TPGS2: variants seen among roughly 807,000 people sequenced by gnomAD.
TPGS2 encodes polyglutamylase subunit 2.
TPGS2 carries 26 observed loss-of-function variants against 31.1 expected under a neutral mutation model. The observed-to-expected ratio is 0.84, with a 90% CI of 0.61 to 1.16. The LOEUF is 1.16. TPGS2 is among the 50% of genes most tolerant of loss of function. The probability of loss-of-function intolerance (pLI) is 0.00; values close to 1 mark genes in which losing one functional copy is unlikely to be tolerated. For missense variants in TPGS2, 351 were observed against 363.8 expected (o/e 0.96, Z 0.29); for synonymous variants, 130 against 136.6 (o/e 0.95, Z 0.34).
Position 36,828,690 on chromosome 18 carries a change from G to A in TPGS2, c.78C>T (p.Arg26=), listed in dbSNP as rs901705620. The A allele has an allele frequency of 5.0e-6, 8 of 1,614,100 alleles. No individual in the cohort carries two copies. Among genetic ancestry groups the A allele is most frequent in the Non-Finnish European group, 5.9e-6 (7 of 1,180,002 alleles). ...HLEKLTLGIT[R]ILESSPGVTE... ...CGTGCCCCCTTTCCTCACCTAGGAT[G>A]CGCGTGATGCCCAGGGTCAGCTTCT... is the stretch of plus-strand genomic sequence containing the variant. The change falls in exon 1 of 7, where the codon CGC becomes CGT. Residue 26 remains arginine (R), a synonymous_variant. Transcript: ENST00000334295.
At chr18:36,810,523 A>G (rs2045375049) in intron 2 of TPGS2, among the ~76,000 whole-genome samples, 1 of 151,898 alleles carries the variant, frequency 6.6e-6, no homozygotes, top group Admixed American at 6.6e-5. Context: ...GAGGGCAGGG[A>G]GGAGGAAGAT....
chr18:36,798,112 C>T, intron 6 of TPGS2: 2 of 1,094,404 alleles, frequency 1.8e-6, no homozygotes, highest in Non-Finnish European at 2.2e-6. Flanking sequence ...ACTTGGAGAA[C>T]AGGGGAGTGA....
intron 6 of TPGS2, chr18:36,786,773 G>A (rs1205894785): frequency 1.6e-6 from 2 of 1,228,958 alleles, no homozygotes; most frequent in Non-Finnish European, 2.0e-6. Context: ...GAGTCCCCTT[G>A]GCCAGCAGAG....
intron 6 of TPGS2, among the ~76,000 whole-genome samples, chr18:36,788,457 G>T (rs1277811552): frequency 6.6e-6 from 1 of 152,140 alleles, no homozygotes; most frequent in Non-Finnish European, 1.5e-5. Context: ...AAAGTATAAA[G>T]CTGGGCGCTG....
At chr18:36,826,640 C>A (rs934483633) in intron 1 of TPGS2, among the ~76,000 whole-genome samples, 1 of 152,164 alleles carries the variant, frequency 6.6e-6, no homozygotes, top group Admixed American at 6.5e-5. Context: ...AGGCCCGAGA[C>A]AATAATCCTC....
Position 36,807,890 on chromosome 18 carries a change from C to G in TPGS2, c.210G>C (p.Leu70=), listed in dbSNP as rs564933143. 100 of 1,614,132 alleles carry G rather than the reference C, an allele frequency of 6.2e-5. 1 individual carries two copies. The South Asian group carries it at 1.1e-3, about 17-fold the overall frequency. ...ATGTCATGTGGAAGCCATTGGTCAT[C>G]AGGTAAAAGTTCTTCACATCTTCAG... is the stretch of plus-strand genomic sequence containing the variant. ...VMPEDVKNFY[L]MTNGFHMTWS... is the part of the protein sequence containing the mutation. The change falls in exon 3 of 7, where the codon CTG becomes CTC. Residue 70 remains leucine, a synonymous_variant. Coordinates refer to ENST00000334295, the MANE Select transcript of TPGS2 (RefSeq NM_015476.4).
At chr18:36,827,315 CA>C (rs1233414599) in intron 1 of TPGS2, among the ~76,000 whole-genome samples, 1 of 152,070 alleles carries the variant, frequency 6.6e-6, no homozygotes, top group African/African-American at 2.4e-5. Context: ...AAAGAAAAAG[CA>C]GGGTAAGGAA....
chr18:36,782,995 A>C, exon 7 of TPGS2: 1 of 398,254 alleles, frequency 2.5e-6, no homozygotes, highest in Non-Finnish European at 4.4e-6. Flanking sequence ...AGCCCTGTCC[A>C]CAAATGTCAA....
At chr18:36,828,599 C>A in intron 1 of TPGS2, 84 bp downstream of exon 1, 1 of 1,460,716 alleles carries the variant, frequency 6.8e-7, no homozygotes, top group Non-Finnish European at 9.5e-7. Flanking sequence ...GGGCCAGCGT[C>A]GCACCGCTCA....
intron 6 of TPGS2, among the ~76,000 whole-genome samples, chr18:36,785,671 C>T (rs752604520): frequency 1.2e-4 from 18 of 152,182 alleles, no homozygotes; most frequent in Non-Finnish European, 2.5e-4. Context: ...ACTTCAAACA[C>T]AGTTCAGTTG....
At position 36,794,608 on chromosome 18, in the gene TPGS2, C is replaced by G; in HGVS notation, c.*2197G>C. 2.0e-6 allele frequency: 2 copies of G among 985,392 alleles called. No individual in the cohort carries two copies. Among genetic ancestry groups the G allele is most frequent in the Non-Finnish European group, 1.2e-6 (1 of 829,930 alleles). 61.0% of individuals were successfully genotyped at this position (985,392 alleles called of 1,614,324 possible). On this transcript the variant is annotated 3_prime_UTR_variant, in exon 7 of 7. Coordinates refer to ENST00000334295, the MANE Select transcript of TPGS2 (RefSeq NM_015476.4). ...GAGAAGCAGCCAAATGCTAGAATCT[C>G]CTATCCAGTGCCGTTGGCTCTTCCT...
At chr18:36,790,473 G>A (rs1407251906), downstream of TPGS2, among the ~76,000 whole-genome samples, 1 of 152,206 alleles carries the variant, frequency 6.6e-6, no homozygotes, top group Admixed American at 6.5e-5. Context: ...GGTGCTAAGA[G>A]CTATAGGAAA....
At chr18:36,816,798 G>A (rs909837764) in intron 2 of TPGS2, among the ~76,000 whole-genome samples, 2 of 152,126 alleles carry the variant, frequency 1.3e-5, no homozygotes, top group African/African-American at 4.8e-5. Context: ...TAGTAGAGAC[G>A]GGGTTTCACC....
chr18:36,788,487 C>T (rs745642277), intron 6 of TPGS2, among the ~76,000 whole-genome samples: 16 of 152,182 alleles, frequency 1.1e-4, no homozygotes, highest in Non-Finnish European at 2.4e-4. Context: ...TAAAGGTAAG[C>T]TGTTTTTCCA....
Position 36,795,527 on chromosome 18 carries a change from G to A in TPGS2, c.*1278C>T. 1 of 985,416 alleles carries A rather than the reference G, an allele frequency of 1.0e-6. No homozygotes were observed. The allele number at this position is 985,416 out of a possible 1,614,324, so 61.0% of individuals were successfully genotyped here. ...TTCCCTGTTGGGAAGCAGGGTGAAGGCCTTGCTTCTGCCCACAGCCAGGAC... is the reference window on the plus strand; with the variant it reads ...TTCCCTGTTGGGAAGCAGGGTGAAGACCTTGCTTCTGCCCACAGCCAGGAC... On this transcript the variant is annotated 3_prime_UTR_variant, in exon 7 of 7. Coordinates refer to ENST00000334295, the MANE Select transcript of TPGS2 (RefSeq NM_015476.4).
intron 3 of TPGS2, among the ~76,000 whole-genome samples, chr18:36,807,348 C>G (rs1036710511): frequency 3.9e-5 from 6 of 152,100 alleles, no homozygotes; most frequent in Non-Finnish European, 5.9e-5. Flanking sequence ...ATTGAGGTAG[C>G]TGGTGACTTA....
downstream of TPGS2, among the ~76,000 whole-genome samples, chr18:36,781,157 T>G (rs2044001944): frequency 6.6e-6 from 1 of 152,146 alleles, no homozygotes; most frequent in Non-Finnish European, 1.5e-5. Context: ...TGGGAGGGGC[T>G]CTCAGCAACT....
At chr18:36,813,808 AAG>A (rs1373183645) in intron 2 of TPGS2, among the ~76,000 whole-genome samples, 2 of 152,206 alleles carry the variant, frequency 1.3e-5, no homozygotes, top group Non-Finnish European at 2.9e-5. Context: ...TGCCAGGAGA[AAG>A]AAGTGAAGTG....
intron 1 of TPGS2, among the ~76,000 whole-genome samples, chr18:36,823,500 G>T (rs929261389): frequency 2.4e-5 from 3 of 123,986 alleles, no homozygotes; most frequent in African/African-American, 9.8e-5. Context: ...TCGCTCTGTC[G>T]CCCAGGCTGG....
Sources: allele counts gnomAD v4.1 joint callset (sites outside exome capture counted in the v4.1 genomes callset), GRCh38; gene constraint gnomAD v4.1.1; transcripts MANE v1.5; gene names NCBI Gene and HGNC (gene_info 2026-07-23, HGNC 2026-07-21).